Variants in RGS7 observed in about 807,000 individuals in gnomAD.
RGS7 encodes the protein regulator of G protein signaling 7.
Under a neutral mutation model 81.1 loss-of-function variants are expected in RGS7, and 27 were observed. The ratio of observed to expected loss-of-function variants is 0.33; its 90% CI spans 0.25 to 0.46. RGS7 has a LOEUF of 0.46. Ranked by LOEUF, RGS7 falls within the 20% of genes least tolerant of loss-of-function variation. The probability of loss-of-function intolerance (pLI) is 1.00; values close to 1 mark genes in which losing one functional copy is unlikely to be tolerated. For missense variants in RGS7, 396 were observed against 607.4 expected (o/e 0.65, Z 3.66); for synonymous variants, 208 against 207.7 (o/e 1.00, Z -0.01).
chr1:240,901,335 G>A (rs973748759), intron 6 of RGS7, among the ~76,000 whole-genome samples: 2 of 152,168 alleles, frequency 1.3e-5, no homozygotes, highest in African/African-American at 4.8e-5. Context: ...TGGTACCTCA[G>A]TTGGAAATGC....
chr1:241,191,658 G>A (rs1252065625), intron 2 of RGS7, among the ~76,000 whole-genome samples: 1 of 152,190 alleles, frequency 6.6e-6, no homozygotes, highest in Non-Finnish European at 1.5e-5. Context: ...TTGTCTGGAA[G>A]AGATTGTGAA....
intron 6 of RGS7, among the ~76,000 whole-genome samples, chr1:240,888,782 G>A (rs906456050): frequency 1.3e-4 from 20 of 151,964 alleles, no homozygotes; most frequent in African/African-American, 4.8e-4. Flanking sequence ...TGGTGGAGGC[G>A]ACAGTCAAAG....
intron 3 of RGS7, among the ~76,000 whole-genome samples, chr1:241,094,238 A>AACACACACACACACACAC (rs149481776): frequency 7.3e-6 from 1 of 136,382 alleles, no homozygotes; most frequent in African/African-American, 2.6e-5. Context: ...GACATACATA[A>AACACACACACACACACAC]ACACACACAC....
chr1:240,948,185 T>C (rs1055721174), intron 4 of RGS7, among the ~76,000 whole-genome samples: 1 of 152,362 alleles, frequency 6.6e-6, no homozygotes, highest in African/African-American at 2.4e-5. Context: ...CCTATTTTTT[T>C]ATTGATTATT....
rs185194167 is a variant in RGS7, at chr1:240,827,673, A to G, written c.610-501T>C. Among the ~76,000 whole-genome samples the G allele has an allele frequency of 8.3e-3, 1,262 of 151,952 alleles. 15 individuals are homozygous for G. Among genetic ancestry groups the G allele is most frequent in the African/African-American group, 0.027 (1,134 of 41,456 alleles). The stretch of plus-strand genomic sequence containing the variant: ...AGGTAAGGAGTTCGAGACCAGCCTG[A>G]CCAATATGGTGAAACCCTGTCTCTA... On this transcript the variant is annotated intron_variant, in intron 9 of 18. Coordinates refer to ENST00000440928, the MANE Select transcript of RGS7 (RefSeq NM_001364886.1).
At chr1:240,857,661 T>G (rs1661390224) in intron 9 of RGS7, among the ~76,000 whole-genome samples, 1 of 152,154 alleles carries the variant, frequency 6.6e-6, no homozygotes, top group Non-Finnish European at 1.5e-5. Context: ...TTTCTTTCAT[T>G]TGTACGATGC....
At position 241,262,896 on chromosome 1, in the gene RGS7, C is replaced by G. The variant is rs140906233; in HGVS notation, c.78+92803G>C. ...CGGGTGGATCACGAGGTCAGGAGTT[C>G]GAGAGCAGCCTGGCCAACATGGTGA... On this transcript the variant is annotated intron_variant, in intron 2 of 18. Transcript: ENST00000440928. Among the ~76,000 whole-genome samples the G allele has an allele frequency of 8.4e-3, 1,271 of 152,102 alleles. 8 individuals carry two copies. Among genetic ancestry groups the G allele is most frequent in the Middle Eastern group, 0.02 (6 of 294 alleles).
At chr1:241,150,735 T>G (rs2068687379) in intron 2 of RGS7, among the ~76,000 whole-genome samples, 1 of 152,154 alleles carries the variant, frequency 6.6e-6, no homozygotes, top group Non-Finnish European at 1.5e-5. Flanking sequence ...GGGAATTTAT[T>G]AGGGGAATGG....
intron 2 of RGS7, among the ~76,000 whole-genome samples, chr1:241,204,367 G>A (rs2073734679): frequency 6.6e-6 from 1 of 152,118 alleles, no homozygotes; most frequent in Non-Finnish European, 1.5e-5. Context: ...CACAGAGATG[G>A]GCTGCAGGGG....
At chr1:241,010,559 C>T (rs2058908359) in intron 3 of RGS7, among the ~76,000 whole-genome samples, 1 of 152,164 alleles carries the variant, frequency 6.6e-6, no homozygotes, top group African/African-American at 2.4e-5. Context: ...AATGAAACTG[C>T]ATTTTGGGAT....
chr1:241,101,954 A>G (rs973802283), intron 2 of RGS7, among the ~76,000 whole-genome samples: 2 of 152,188 alleles, frequency 1.3e-5, no homozygotes, highest in Non-Finnish European at 2.9e-5. Flanking sequence ...AGTTCATGGG[A>G]TCCCAAAGGA....
intron 9 of RGS7, among the ~76,000 whole-genome samples, chr1:240,864,927 G>A (rs948566640): frequency 1.3e-5 from 2 of 152,010 alleles, no homozygotes; most frequent in Admixed American, 6.6e-5. Context: ...TACAGGAGCT[G>A]CATTTGCATT....
At chr1:241,268,647 G>C (rs969354483) in intron 2 of RGS7, among the ~76,000 whole-genome samples, 1 of 152,136 alleles carries the variant, frequency 6.6e-6, no homozygotes, top group South Asian at 2.1e-4. Context: ...TGCCACATGT[G>C]AAGATTTTCT....
chr1:240,860,949 C>CA (rs1385960293), intron 9 of RGS7, among the ~76,000 whole-genome samples: 2 of 152,126 alleles, frequency 1.3e-5, no homozygotes, highest in Admixed American at 1.3e-4. Context: ...GAACCCTTAG[C>CA]AAAATCCTTT....
intron 6 of RGS7, among the ~76,000 whole-genome samples, chr1:240,874,609 T>C (rs1665049310): frequency 6.6e-6 from 1 of 152,246 alleles, no homozygotes. Context: ...TTTTAGTTGA[T>C]AAATGAGAAA....
At chr1:241,034,015 T>C (rs2060212686) in intron 3 of RGS7, among the ~76,000 whole-genome samples, 1 of 152,228 alleles carries the variant, frequency 6.6e-6, no homozygotes, top group Non-Finnish European at 1.5e-5. Flanking sequence ...CAAGGAACTC[T>C]TGCACGAAGA....
chr1:240,842,199 A>ATTTTGTTTTTTTTTTTTTTTTTTT (rs1658154013), intron 9 of RGS7, among the ~76,000 whole-genome samples: 1 of 78,676 alleles, frequency 1.3e-5, no homozygotes, highest in Non-Finnish European at 2.5e-5. Context: ...TTTGTCAGGA[A>ATTTTGTTTTTTTTTTTTTTTTTTT]TTTTTTTTTT....
chr1:241,069,015 C>G (rs1020177010), intron 3 of RGS7, among the ~76,000 whole-genome samples: 2 of 152,152 alleles, frequency 1.3e-5, no homozygotes, highest in African/African-American at 4.8e-5. Flanking sequence ...CCCCTTTTGC[C>G]TTCTGCCATG....
chr1:241,183,992 G>C (rs1339166463), intron 2 of RGS7, among the ~76,000 whole-genome samples: 1 of 152,158 alleles, frequency 6.6e-6, no homozygotes, highest in African/African-American at 2.4e-5. Flanking sequence ...GGAGTCGATG[G>C]GAGTCAGAAC....
Sources: allele counts gnomAD v4.1 joint callset (sites outside exome capture counted in the v4.1 genomes callset), GRCh38; gene constraint gnomAD v4.1.1; transcripts MANE v1.5; gene names NCBI Gene and HGNC (gene_info 2026-07-23, HGNC 2026-07-21).